Variants in RUNX2 observed in about 807,000 individuals in gnomAD.
The protein encoded by RUNX2 is RUNX family transcription factor 2, also known as runt-related transcription factor 2.
RUNX2 carries 10 observed loss-of-function variants against 51.7 expected under a neutral mutation model. The observed-to-expected ratio is 0.19, with a 90% CI of 0.12 to 0.33. RUNX2 has a LOEUF of 0.33. Ranked by LOEUF, RUNX2 falls within the 10% of genes least tolerant of loss-of-function variation. The pLI is 1.00. For missense variants in RUNX2, 562 were observed against 691.3 expected (o/e 0.81, Z 2.10); for synonymous variants, 276 against 273.6 (o/e 1.01, Z -0.09).
At chr6:45,374,719 A>C (rs1796532787) in intron 2 of RUNX2, among the ~76,000 whole-genome samples, 1 of 152,210 alleles carries the variant, frequency 6.6e-6, no homozygotes, top group Non-Finnish European at 1.5e-5. Flanking sequence ...ACTGACATAG[A>C]CTACCATGCA....
At chr6:45,446,263 C>G (rs958151374) in intron 5 of RUNX2, among the ~76,000 whole-genome samples, 5 of 152,198 alleles carry the variant, frequency 3.3e-5, no homozygotes, top group Admixed American at 1.3e-4. Flanking sequence ...GTAGCTTTCA[C>G]AGCAAGAGCA....
At chr6:45,413,506 C>T (rs1797999417) in intron 2 of RUNX2, among the ~76,000 whole-genome samples, 1 of 129,812 alleles carries the variant, frequency 7.7e-6, no homozygotes, top group Non-Finnish European at 1.5e-5. Flanking sequence ...TCTTGGCTCA[C>T]TGCAACATTT....
chr6:45,345,791 T>C lies in RUNX2; in HGVS notation c.58+17007T>C, dbSNP rs139364399. The stretch of plus-strand genomic sequence containing the variant: ...TCAAACATTTTTCAAAGGTTTCCAA[T>C]TGTCTTTGAAAAAGACTTAACTCCT... On this transcript the variant is annotated intron_variant, in intron 2 of 8. Coordinates refer to ENST00000647337, the MANE Select transcript of RUNX2 (RefSeq NM_001024630.4). Among the ~76,000 whole-genome samples the C allele has an allele frequency of 1.7e-3, 266 of 152,334 alleles. 1 individual carries two copies. Among genetic ancestry groups the C allele is most frequent in the South Asian group, 0.014 (68 of 4,828 alleles).
chr6:45,328,894 T>A, intron 2 of RUNX2, 110 bp downstream of exon 2: 1 of 1,114,810 alleles, frequency 9.0e-7, no homozygotes. Context: ...AAGATCCTAA[T>A]TATGCTATCT....
At chr6:45,520,565 A>G (rs1429801930) in intron 7 of RUNX2, among the ~76,000 whole-genome samples, 1 of 152,120 alleles carries the variant, frequency 6.6e-6, no homozygotes, top group Non-Finnish European at 1.5e-5. Context: ...TCCCACTTCC[A>G]TGTCAGCCCA....
rs73735393 is a variant in RUNX2, at chr6:45,367,601, T to C, written c.58+38817T>C. On this transcript the variant is annotated intron_variant, in intron 2 of 8. Transcript: ENST00000647337. ...CTCAGGAAATGTTCCCTTGTCTCAA[T>C]AGAAGGCTGACAGAGCTATCTTCGA... Among the ~76,000 whole-genome samples the C allele has an allele frequency of 4.0e-3, 609 of 152,246 alleles. 7 individuals are homozygous for C. Among genetic ancestry groups the C allele is most frequent in the African/African-American group, 0.014 (575 of 41,556 alleles).
chr6:45,394,005 C>T (rs1797530040), intron 2 of RUNX2, among the ~76,000 whole-genome samples: 1 of 151,494 alleles, frequency 6.6e-6, no homozygotes, highest in African/African-American at 2.4e-5. Flanking sequence ...TTCCCGGGTC[C>T]CGGTTCAAGC....
chr6:45,442,760 T>G (rs1214295240), intron 5 of RUNX2, among the ~76,000 whole-genome samples: 1 of 152,152 alleles, frequency 6.6e-6, no homozygotes, highest in Non-Finnish European at 1.5e-5. Flanking sequence ...TTGTCAGGCT[T>G]GGGGTCTATC....
chr6:45,356,845 CTATATT>C (rs1793283784), intron 2 of RUNX2, among the ~76,000 whole-genome samples: 1 of 152,172 alleles, frequency 6.6e-6, no homozygotes, highest in South Asian at 2.1e-4. Context: ...ATTTATTCCA[CTATATT>C]AAGAATTTAC....
At chr6:45,541,896 A>G (rs1263956194) in intron 7 of RUNX2, among the ~76,000 whole-genome samples, 1 of 152,202 alleles carries the variant, frequency 6.6e-6, no homozygotes, top group Non-Finnish European at 1.5e-5. Context: ...ATTTTCCGTC[A>G]ACCAACCATA....
chr6:45,382,905 A>T (rs868712309), intron 2 of RUNX2, among the ~76,000 whole-genome samples: 1 of 152,034 alleles, frequency 6.6e-6, no homozygotes, highest in Non-Finnish European at 1.5e-5. Flanking sequence ...TATTTTGAAA[A>T]CCAATATGAT....
At position 45,439,668 on chromosome 6, in the gene RUNX2, CGTGT is replaced by C. The variant is rs144689318; in HGVS notation, c.685+1630_685+1633del. Among the ~76,000 whole-genome samples the C allele has an allele frequency of 8.3e-4, 124 of 149,492 alleles. 1 individual carries two copies. The highest frequency in any genetic ancestry group is 2.2e-3 in the African/African-American group (89 of 40,836). On this transcript the variant is annotated intron_variant, in intron 5 of 8. Coordinates refer to ENST00000647337, the MANE Select transcript of RUNX2 (RefSeq NM_001024630.4). The stretch of plus-strand genomic sequence containing the variant: ...AAAACCATTTGCGTGTGTTTGTGTG[CGTGT>C]GTGTGTGTGTGTATGTGTGTGTGTA...
chr6:45,364,664 ACT>A (rs1373069818), intron 2 of RUNX2, among the ~76,000 whole-genome samples: 1 of 152,160 alleles, frequency 6.6e-6, no homozygotes, highest in African/African-American at 2.4e-5. Flanking sequence ...AATCTTAATG[ACT>A]CTGCAATTTC....
chr6:45,362,483 C>T (rs1794433758), intron 2 of RUNX2, among the ~76,000 whole-genome samples: 1 of 152,130 alleles, frequency 6.6e-6, no homozygotes, highest in Non-Finnish European at 1.5e-5. Flanking sequence ...TTGAAATATA[C>T]ATAAGCAAGA....
chr6:45,371,277 T>C (rs924415384), intron 2 of RUNX2, among the ~76,000 whole-genome samples: 3 of 152,154 alleles, frequency 2.0e-5, no homozygotes, highest in Admixed American at 6.6e-5. Flanking sequence ...AAATATCTGA[T>C]GTGTTTAAAA....
chr6:45,512,817 A>G (rs1248606159), intron 7 of RUNX2, among the ~76,000 whole-genome samples: 1 of 152,086 alleles, frequency 6.6e-6, no homozygotes, highest in Non-Finnish European at 1.5e-5. Flanking sequence ...CTAAAGGCTT[A>G]TAAGTCCCAG....
intron 2 of RUNX2, among the ~76,000 whole-genome samples, chr6:45,339,807 CTAACA>C (rs1278247324): frequency 6.6e-6 from 1 of 152,042 alleles, no homozygotes; most frequent in Non-Finnish European, 1.5e-5. Flanking sequence ...ATCAATGTAA[CTAACA>C]TAGTCTATAA....
intron 2 of RUNX2, among the ~76,000 whole-genome samples, chr6:45,338,880 A>T (rs559091439): frequency 6.6e-6 from 1 of 152,216 alleles, no homozygotes; most frequent in Non-Finnish European, 1.5e-5. Context: ...AGCCTCCTTA[A>T]ATTTTGTGCC....
intron 2 of RUNX2, among the ~76,000 whole-genome samples, chr6:45,336,881 C>T (rs1157806113): frequency 1.3e-5 from 2 of 151,476 alleles, no homozygotes; most frequent in South Asian, 2.1e-4. Context: ...GATCCAGAAA[C>T]ATCTTAAATG....
Sources: allele counts gnomAD v4.1 joint callset (sites outside exome capture counted in the v4.1 genomes callset), GRCh38; gene constraint gnomAD v4.1.1; transcripts MANE v1.5; gene names NCBI Gene and HGNC (gene_info 2026-07-23, HGNC 2026-07-21).